The following CEP126 variants were observed in gnomAD, a reference collection of about 807,000 sequenced individuals.
CEP126 encodes centrosomal protein of 126 kDa.
In CEP126, 74 loss-of-function variants were observed where a neutral mutation model predicts 107.8. The ratio of observed to expected loss-of-function variants is 0.69; its 90% CI spans 0.57 to 0.83. The LOEUF (loss-of-function observed/expected upper bound fraction) is 0.83. Among genes scored for constraint, CEP126 ranks in the 40% least tolerant of loss-of-function variants. CEP126 has a pLI of 0.00. For missense variants in CEP126, 1,237 were observed against 1,281.9 expected (o/e 0.96, Z 0.53); for synonymous variants, 449 against 446.0 (o/e 1.01, Z -0.08).
At chr11:101,949,259 A>C (rs1270334360) in intron 4 of CEP126, among the ~76,000 whole-genome samples, 1 of 152,232 alleles carries the variant, frequency 6.6e-6, no homozygotes, top group Non-Finnish European at 1.5e-5. Context: ...CAAGAAATAT[A>C]AACTTTATCT....
chr11:101,987,885 A>G (rs1941333777), intron 9 of CEP126, among the ~76,000 whole-genome samples: 1 of 152,192 alleles, frequency 6.6e-6, no homozygotes, highest in South Asian at 2.1e-4. Context: ...GGAAAAGTAC[A>G]TTTATGTATC....
intron 2 of CEP126, among the ~76,000 whole-genome samples, chr11:101,936,272 C>T (rs1474072692): frequency 6.6e-6 from 1 of 151,950 alleles, no homozygotes; most frequent in Non-Finnish European, 1.5e-5. Context: ...GTTTTCAGTA[C>T]AGAAGTCTTG....
intron 4 of CEP126, chr11:101,956,632 T>C (rs751226188): frequency 2.0e-5 from 9 of 456,382 alleles, no homozygotes; most frequent in South Asian, 1.4e-4. Flanking sequence ...CCTGTTCTAC[T>C]TCTCCATCCT....
At chr11:101,917,824 A>G (rs1940251188) in intron 1 of CEP126, among the ~76,000 whole-genome samples, 1 of 152,148 alleles carries the variant, frequency 6.6e-6, no homozygotes, top group Admixed American at 6.5e-5. Context: ...CTCAATAACT[A>G]CTATAGTCCT....
intron 5 of CEP126, among the ~76,000 whole-genome samples, chr11:101,960,262 T>A (rs1207017995): frequency 2.6e-5 from 4 of 152,188 alleles, no homozygotes; most frequent in African/African-American, 9.7e-5. Context: ...AAAGTATTGT[T>A]TATGAAATCA....
chr11:101,915,325 A>T lies in CEP126; in HGVS notation c.41A>T (p.Glu14Val). 1 of 1,613,930 alleles carries T rather than the reference A, an allele frequency of 6.2e-7. No homozygotes were observed. ...GRPGTRSAVG[E>V]LGTESSDNLD... ...CCCGGAACCCGGAGCGCGGTCGGGG[A>T]ACTGGGCACTGAATCATCGGACAAC... The change falls in exon 1 of 11, where the codon GAA becomes GTA. Residue 14 changes from glutamate (E) to valine (V), a missense_variant. Glu to Val is a moderately radical substitution (Grantham distance 121). Around this residue, in one of 3 missense-constraint regions of CEP126, gnomAD observed 1,134 missense variants for 1,150.5 expected, o/e 0.99. Transcript: ENST00000263468.
At chr11:101,923,742 T>G (rs1002561712) in intron 2 of CEP126, among the ~76,000 whole-genome samples, 1 of 152,192 alleles carries the variant, frequency 6.6e-6, no homozygotes, top group Admixed American at 6.5e-5. Context: ...TCAGTAAAGA[T>G]GAATAATCAT....
chr11:101,996,526 T>G (rs114851923), intron 10 of CEP126, among the ~76,000 whole-genome samples: 1 of 152,204 alleles, frequency 6.6e-6, no homozygotes, highest in East Asian at 1.9e-4. Flanking sequence ...CCATAATTCT[T>G]ATAATGGCTT....
At chr11:101,934,767 T>C (rs1321566640) in intron 2 of CEP126, among the ~76,000 whole-genome samples, 1 of 152,142 alleles carries the variant, frequency 6.6e-6, no homozygotes. Context: ...GCCATTCTTA[T>C]ATTGATAGGC....
At chr11:101,957,844 A>T (rs1402344416) in intron 4 of CEP126, among the ~76,000 whole-genome samples, 1 of 152,158 alleles carries the variant, frequency 6.6e-6, no homozygotes, top group East Asian at 1.9e-4. Context: ...TAAAGACCTG[A>T]GGACTGACTC....
At chr11:101,944,610 C>G (rs1428513645) in intron 3 of CEP126, among the ~76,000 whole-genome samples, 200 bp downstream of exon 3, 1 of 152,150 alleles carries the variant, frequency 6.6e-6, no homozygotes, top group Non-Finnish European at 1.5e-5. Flanking sequence ...GGCACTATTA[C>G]TAAATTCTGA....
At chr11:101,957,000 A>C in intron 4 of CEP126, 1 of 307,208 alleles carries the variant, frequency 3.3e-6, no homozygotes, top group Non-Finnish European at 6.3e-6. Context: ...TTGTTTGGGA[A>C]GGGCGACTGA....
intron 7 of CEP126, among the ~76,000 whole-genome samples, chr11:101,981,623 CTTT>C (rs1941255449): frequency 6.6e-6 from 1 of 152,110 alleles, no homozygotes; most frequent in African/African-American, 2.4e-5. Context: ...ATCCAACTCA[CTTT>C]ACCTCTTCCA....
In CEP126 at chr11:101,915,443, A is replaced by G. The variant is rs557257305; in HGVS notation, c.128+31A>G. On this transcript the variant is annotated intron_variant, in intron 1 of 10. Coordinates refer to ENST00000263468, the MANE Select transcript of CEP126 (RefSeq NM_020802.4). ...CTTCCCAGCCTGTGGCTGCCAGGGT[A>G]GCGATGTTGAAAACGGGGCCCATCT... 9 of 1,585,360 alleles carry G rather than the reference A, an allele frequency of 5.7e-6. No individual in the cohort carries two copies. In the East Asian group the frequency reaches 1.8e-4, roughly 32 times the overall value.
chr11:101,984,840 C>G (rs1014306837), intron 8 of CEP126, among the ~76,000 whole-genome samples: 2 of 152,078 alleles, frequency 1.3e-5, no homozygotes, highest in Non-Finnish European at 2.9e-5. Flanking sequence ...TTCTTCTCAC[C>G]TAAAAAAATA....
chr11:101,976,199 C>A (rs1000457947), intron 6 of CEP126, among the ~76,000 whole-genome samples: 18 of 152,186 alleles, frequency 1.2e-4, no homozygotes, highest in Admixed American at 1.2e-3. Context: ...TTCCCACCAG[C>A]AGCATTTAAG....
At chr11:101,975,453 A>G (rs1323214594) in intron 6 of CEP126, among the ~76,000 whole-genome samples, 1 of 152,230 alleles carries the variant, frequency 6.6e-6, no homozygotes, top group Non-Finnish European at 1.5e-5. Flanking sequence ...TATGTGTAAG[A>G]GCTAGAAGTT....
At chr11:101,942,563 GT>G (rs35795661) in intron 2 of CEP126, among the ~76,000 whole-genome samples, 9,947 of 139,972 alleles carry the variant, frequency 0.071, 529 homozygotes, top group East Asian at 0.28. Context: ...GTTTGGGGTG[GT>G]TTTTTTTTTT....
At chr11:101,976,955 T>C (rs1454765652) in intron 6 of CEP126, among the ~76,000 whole-genome samples, 2 of 152,218 alleles carry the variant, frequency 1.3e-5, no homozygotes, top group African/African-American at 4.8e-5. Flanking sequence ...CAAGACTTTT[T>C]ATTGTACTAC....
Sources: allele counts gnomAD v4.1 joint callset (sites outside exome capture counted in the v4.1 genomes callset), GRCh38; gene constraint gnomAD v4.1.1; regional missense constraint gnomAD v4.1.1; transcripts MANE v1.5; gene names NCBI Gene and HGNC (gene_info 2026-07-23, HGNC 2026-07-21).